KCNK2: variants seen among roughly 807,000 people sequenced by gnomAD.
The protein encoded by KCNK2 is potassium two pore domain channel subfamily K member 2.
In KCNK2, 21 loss-of-function variants were observed where a neutral mutation model predicts 40.5. That is an observed-to-expected ratio of 0.52 (90% CI 0.37 to 0.75). The LOEUF (loss-of-function observed/expected upper bound fraction) is 0.75. KCNK2 is among the 30% of genes least tolerant of loss of function. The pLI is 0.00. For synonymous variants in KCNK2, 191 were observed against 202.2 expected (o/e 0.94, Z 0.47); for missense variants, 399 against 531.6 (o/e 0.75, Z 2.45).
chr1:215,124,334 G>C (rs1661324987), intron 2 of KCNK2, among the ~76,000 whole-genome samples: 1 of 152,048 alleles, frequency 6.6e-6, no homozygotes, highest in Non-Finnish European at 1.5e-5. Flanking sequence ...AAATTTAGTT[G>C]TTAATTCAAA....
At chr1:215,071,203 T>C (rs1250553847) in intron 1 of KCNK2, among the ~76,000 whole-genome samples, 1 of 152,202 alleles carries the variant, frequency 6.6e-6, no homozygotes, top group Non-Finnish European at 1.5e-5. Flanking sequence ...CTGTGTTAGT[T>C]CTGGTGTGAT....
intron 5 of KCNK2, among the ~76,000 whole-genome samples, chr1:215,175,344 G>A (rs1009905214): frequency 6.6e-6 from 1 of 152,054 alleles, no homozygotes; most frequent in Non-Finnish European, 1.5e-5. Flanking sequence ...TATACAGAAA[G>A]GTGGAGTTAA....
intron 1 of KCNK2, among the ~76,000 whole-genome samples, chr1:215,021,010 A>C (rs1020309076): frequency 2.0e-5 from 3 of 152,162 alleles, no homozygotes; most frequent in Non-Finnish European, 4.4e-5. Flanking sequence ...AATTATTTTA[A>C]ATAATTCAAA....
chr1:215,230,355 G>A (rs534984954), intron 6 of KCNK2, among the ~76,000 whole-genome samples: 24 of 149,786 alleles, frequency 1.6e-4, no homozygotes, highest in African/African-American at 5.6e-4. Context: ...GTGAGTATTT[G>A]TGTATCTAAA....
chr1:215,168,708 G>T (rs1663561711), intron 3 of KCNK2, among the ~76,000 whole-genome samples: 1 of 151,910 alleles, frequency 6.6e-6, no homozygotes, highest in African/African-American at 2.4e-5. Flanking sequence ...AGTAAGGGGT[G>T]GTGGGAAGGG....
intron 5 of KCNK2, among the ~76,000 whole-genome samples, chr1:215,179,892 T>G (rs1178772962): frequency 6.6e-6 from 1 of 152,098 alleles, no homozygotes; most frequent in African/African-American, 2.4e-5. Context: ...GGTCAAGTGT[T>G]GAATTTAAGC....
intron 1 of KCNK2, among the ~76,000 whole-genome samples, chr1:215,055,309 G>A (rs941794240): frequency 1.3e-5 from 2 of 152,138 alleles, no homozygotes; most frequent in Non-Finnish European, 2.9e-5. Context: ...CTCAGAATGT[G>A]TTCCCATTTC....
intron 2 of KCNK2, among the ~76,000 whole-genome samples, chr1:215,105,408 C>T (rs1660394048): frequency 6.6e-6 from 1 of 152,066 alleles, no homozygotes; most frequent in Non-Finnish European, 1.5e-5. Flanking sequence ...AACAGGGTTT[C>T]CTTCCTATTT....
At chr1:215,177,700 C>T (rs1664034203) in intron 5 of KCNK2, among the ~76,000 whole-genome samples, 1 of 142,594 alleles carries the variant, frequency 7.0e-6, no homozygotes, top group Admixed American at 7.1e-5. Context: ...CTATTCTGCT[C>T]CACTGGCCTA....
intron 2 of KCNK2, among the ~76,000 whole-genome samples, chr1:215,123,234 C>A (rs1166739597): frequency 1.4e-5 from 2 of 142,914 alleles, no homozygotes; most frequent in Non-Finnish European, 3.1e-5. Flanking sequence ...ATAAAAAAAA[C>A]CTGCATGTGG....
At chr1:215,015,658 C>T (rs544126391) in intron 1 of KCNK2, among the ~76,000 whole-genome samples, 40 of 152,106 alleles carry the variant, frequency 2.6e-4, no homozygotes, top group Non-Finnish European at 4.3e-4. Flanking sequence ...TTTGTTATCA[C>T]CTTTGACTCC....
At chr1:215,183,093 T>C (rs1571704205) in intron 5 of KCNK2, among the ~76,000 whole-genome samples, 1 of 152,162 alleles carries the variant, frequency 6.6e-6, no homozygotes, top group African/African-American at 2.4e-5. Context: ...TCATTTTCCT[T>C]CTTGAATTAA....
At chr1:215,089,831 T>C (rs577126296) in intron 2 of KCNK2, among the ~76,000 whole-genome samples, 13 of 62,980 alleles carry the variant, frequency 2.1e-4, no homozygotes, top group African/African-American at 4.2e-4. Context: ...TTTTCTTTTT[T>C]TTTTTTTATT....
chr1:215,047,321 T>C (rs779402925), intron 1 of KCNK2, among the ~76,000 whole-genome samples: 1 of 152,110 alleles, frequency 6.6e-6, no homozygotes, highest in Non-Finnish European at 1.5e-5. Flanking sequence ...CACAGAACTT[T>C]AGCATTTTTG....
intron 6 of KCNK2, among the ~76,000 whole-genome samples, chr1:215,223,866 C>A (rs1341427812): frequency 6.6e-6 from 1 of 151,644 alleles, no homozygotes; most frequent in Admixed American, 6.6e-5. Context: ...GGTAGTTGGG[C>A]AAAGTATGCT....
At chr1:215,100,338 G>A (rs1660156419) in intron 2 of KCNK2, among the ~76,000 whole-genome samples, 1 of 151,880 alleles carries the variant, frequency 6.6e-6, no homozygotes, top group African/African-American at 2.4e-5. Context: ...TGAATTTAGA[G>A]TTCATATATT....
intron 5 of KCNK2, among the ~76,000 whole-genome samples, chr1:215,187,199 G>A (rs1558130306): frequency 6.6e-6 from 1 of 152,102 alleles, no homozygotes; most frequent in African/African-American, 2.4e-5. Context: ...TGAACTCCTG[G>A]GCTCAAGCGA....
At chr1:215,103,585 G>T (rs942217211) in intron 2 of KCNK2, among the ~76,000 whole-genome samples, 4 of 151,940 alleles carry the variant, frequency 2.6e-5, no homozygotes, top group African/African-American at 9.7e-5. Context: ...ATCAGACAAT[G>T]ACATTTGGCT....
chr1:215,093,361 A>C (rs1035858524), intron 2 of KCNK2, among the ~76,000 whole-genome samples: 2 of 140,764 alleles, frequency 1.4e-5, no homozygotes, highest in African/African-American at 5.2e-5. Flanking sequence ...TAAAATATAC[A>C]TATATTATAT....
Sources: allele counts gnomAD v4.1 joint callset (sites outside exome capture counted in the v4.1 genomes callset), GRCh38; gene constraint gnomAD v4.1.1; transcripts MANE v1.5; gene names NCBI Gene and HGNC (gene_info 2026-07-23, HGNC 2026-07-21).